Variants in CEP85 observed in about 807,000 individuals in gnomAD.
CEP85 encodes centrosomal protein 85.
Under a neutral mutation model 93.7 loss-of-function variants are expected in CEP85, and 58 were observed. The observed-to-expected ratio is 0.62, with a 90% CI of 0.50 to 0.77. The LOEUF is 0.77. CEP85 is among the 30% of genes least tolerant of loss of function. The probability of loss-of-function intolerance (pLI) is 0.00; values close to 1 mark genes in which losing one functional copy is unlikely to be tolerated. For missense variants in CEP85, 868 were observed against 922.0 expected (o/e 0.94, Z 0.76); for synonymous variants, 314 against 338.6 (o/e 0.93, Z 0.80).
rs746253794 is a variant in CEP85 at position 26,271,099 on chromosome 1, C to T, written c.1735C>T (p.Leu579Phe). The T allele has an allele frequency of 1.0e-5, 16 of 1,607,548 alleles. No individual in the cohort carries two copies. The South Asian group carries it at 1.1e-4, about 11-fold the overall frequency. Residue 579 changes from leucine (L) to phenylalanine (F), a missense_variant, in exon 10 of 14, where the codon CTC becomes TTC. By Grantham distance (22) the Leu-to-Phe change is conservative. Coordinates refer to ENST00000451429, the MANE Select transcript of CEP85 (RefSeq NM_001319944.2). The stretch of plus-strand genomic sequence containing the variant: ...GTCCTGGCAGAAGCGATACGATTCG[C>T]TCCAAAAGGTGACTGAGGGTGTCCA... ...MESWQKRYDS[L>F]QKIVEKQQQK...
At chr1:26,245,521 A>G (rs539726686) in intron 3 of CEP85, among the ~76,000 whole-genome samples, 1 of 152,240 alleles carries the variant, frequency 6.6e-6, no homozygotes, top group Admixed American at 6.5e-5. Context: ...GCATTCTTGT[A>G]TCTTTATTAT....
chr1:26,248,465 G>T (rs1268686033), intron 3 of CEP85, among the ~76,000 whole-genome samples: 1 of 152,010 alleles, frequency 6.6e-6, no homozygotes, highest in Non-Finnish European at 1.5e-5. Context: ...TCTCGAGATA[G>T]GGGTCAAAGA....
intron 1 of CEP85, among the ~76,000 whole-genome samples, chr1:26,236,295 G>A (rs897509460): frequency 1.3e-5 from 2 of 152,264 alleles, no homozygotes; most frequent in African/African-American, 4.8e-5. Flanking sequence ...CACAGTGTTT[G>A]ATAGGTAGTA....
At chr1:26,265,236 G>A (rs527602768) in intron 7 of CEP85, among the ~76,000 whole-genome samples, 4 of 151,978 alleles carry the variant, frequency 2.6e-5, no homozygotes, top group East Asian at 1.9e-4. Flanking sequence ...TGCCCGCCTC[G>A]ACTTCCCAAA....
At chr1:26,260,573 T>C (rs1444971545) in intron 7 of CEP85, among the ~76,000 whole-genome samples, 5 of 152,134 alleles carry the variant, frequency 3.3e-5, no homozygotes, top group Non-Finnish European at 5.9e-5. Context: ...AGAATTGCCT[T>C]AGGTTTAAAG....
At chr1:26,239,946 A>G (rs1231577141) in intron 2 of CEP85, 108 bp downstream of exon 2, 6 of 785,500 alleles carry the variant, frequency 7.6e-6, no homozygotes, top group Non-Finnish European at 1.3e-5. Context: ...TGCTGGTGCT[A>G]AAAGAATAAA....
intron 2 of CEP85, among the ~76,000 whole-genome samples, chr1:26,243,882 C>G (rs2089466286): frequency 6.6e-6 from 1 of 150,690 alleles, no homozygotes; most frequent in East Asian, 1.9e-4. Flanking sequence ...CCTGTAATCC[C>G]AGCTACTCGG....
At chr1:26,237,760 G>A (rs192301708) in intron 1 of CEP85, among the ~76,000 whole-genome samples, 36 of 152,228 alleles carry the variant, frequency 2.4e-4, no homozygotes, top group African/African-American at 8.2e-4. Context: ...TTCTGTCACC[G>A]TATTTTCAAC....
intron 2 of CEP85, among the ~76,000 whole-genome samples, chr1:26,240,605 A>C (rs972694543): frequency 3.3e-5 from 5 of 152,164 alleles, no homozygotes; most frequent in African/African-American, 4.8e-5. Flanking sequence ...CGTAGAAACC[A>C]CGGATATGGC....
chr1:26,263,467 G>A (rs576871748), intron 7 of CEP85: 3 of 156,210 alleles, frequency 1.9e-5, no homozygotes, highest in Admixed American at 1.3e-4. Context: ...GGATGGCAGG[G>A]ACCTGGAAGT....
At chr1:26,250,499 C>T (rs945790950) in intron 3 of CEP85, among the ~76,000 whole-genome samples, 11 of 152,152 alleles carry the variant, frequency 7.2e-5, no homozygotes, top group African/African-American at 2.7e-4. Flanking sequence ...GGTTGGGAAC[C>T]GCTGGTGTAA....
intron 4 of CEP85, 63 bp downstream of exon 4, chr1:26,255,928 T>TTTG: frequency 7.2e-7 from 1 of 1,395,480 alleles, no homozygotes; most frequent in Non-Finnish European, 9.7e-7. Flanking sequence ...TGTAATAGCT[T>TTTG]TTGTCCTTTG....
Position 26,271,024 on chromosome 1 carries a change from A to G in CEP85, c.1660A>G (p.Lys554Glu), listed in dbSNP as rs772432110. The change falls in exon 10 of 14, where the codon AAA (lysine) becomes GAA (glutamate). Residue 554 changes from lysine to glutamate, a missense_variant. Lys to Glu is a moderately conservative substitution (Grantham distance 56). Coordinates refer to ENST00000451429, the MANE Select transcript of CEP85 (RefSeq NM_001319944.2). ...FSSAGHSLQD[K>E]QSVEETSGEG... ...GCCACTGTCTTTCAGCCTGCAAGATAAACAGTCTGTGGAGGAGACCAGTGG... is the reference window on the plus strand; with the variant it reads ...GCCACTGTCTTTCAGCCTGCAAGATGAACAGTCTGTGGAGGAGACCAGTGG... 1 of 1,610,472 alleles carries G rather than the reference A, an allele frequency of 6.2e-7. No individual in the cohort carries two copies. The highest frequency in any genetic ancestry group is 1.7e-5 in the Admixed American group (1 of 59,980).
intron 8 of CEP85, chr1:26,269,211 A>AT: frequency 2.1e-6 from 1 of 484,860 alleles, no homozygotes. Flanking sequence ...ACCCTAGCCA[A>AT]TAGGGGAACG....
chr1:26,235,567 CTTTTTT>C (rs1192252673), intron 1 of CEP85, among the ~76,000 whole-genome samples: 3 of 95,584 alleles, frequency 3.1e-5, no homozygotes, highest in Non-Finnish European at 3.9e-5. Flanking sequence ...GATTGTAATT[CTTTTTT>C]TTTTTTTTTT....
chr1:26,251,412 C>G (rs368327964), intron 3 of CEP85, among the ~76,000 whole-genome samples: 27 of 152,084 alleles, frequency 1.8e-4, no homozygotes, highest in African/African-American at 6.3e-4. Context: ...TCACCACGCC[C>G]AGCTAATCTT....
In CEP85 at chr1:26,277,979, A is replaced by C. The variant is rs1023335541; in HGVS notation, c.*686A>C. ...GCCTTGTGTCCCTAGGGTCCTGGCC[A>C]TGTGTTTAGTGTGCTAAACTTTCTC... On this transcript the variant is annotated 3_prime_UTR_variant, in exon 14 of 14. Coordinates refer to ENST00000451429, the MANE Select transcript of CEP85 (RefSeq NM_001319944.2). The C allele has an allele frequency of 1.3e-5, 2 of 152,798 alleles. No homozygotes were observed. The highest frequency in any genetic ancestry group is 4.2e-4 in the South Asian group (2 of 4,818). 9.5% of individuals were successfully genotyped at this position (152,798 alleles called of 1,614,324 possible).
At chr1:26,272,300 G>A in intron 11 of CEP85, 1 of 533,608 alleles carries the variant, frequency 1.9e-6, no homozygotes, top group Non-Finnish European at 3.4e-6. Flanking sequence ...GGGAGTGCAG[G>A]AGAGTCAGTG....
At position 26,257,239 on chromosome 1, in the gene CEP85, C is replaced by G. The variant is rs575718374; in HGVS notation, c.904-358C>G. The stretch of plus-strand genomic sequence containing the variant: ...TGAGCCACCGCACCCAGCATATTTT[C>G]TTTTAAAAAATCCTTGTGCTGCTGA... On this transcript the variant is annotated intron_variant, in intron 4 of 13. Transcript: ENST00000451429. 7.2e-5 allele frequency among the ~76,000 whole-genome samples: 11 copies of G among 152,278 alleles called. No homozygotes were observed. The South Asian group carries it at 1.9e-3, about 26-fold the overall frequency.
Sources: gnomAD v4.1 joint callset for allele counts (sites outside exome capture counted in the v4.1 genomes callset) on GRCh38, gnomAD v4.1.1 for gene constraint, MANE v1.5 for transcripts, NCBI Gene and HGNC (gene_info 2026-07-23, HGNC 2026-07-21) for gene names.